The following ASXL3 variants were observed in gnomAD, a reference collection of about 807,000 sequenced individuals.
ASXL3 encodes the protein putative Polycomb group protein ASXL3.
In ASXL3, 34 loss-of-function variants were observed where a neutral mutation model predicts 170.6. That is an observed-to-expected ratio of 0.20 (90% confidence interval 0.15 to 0.27). The LOEUF (loss-of-function observed/expected upper bound fraction) is 0.27, where lower values mean the gene tolerates loss of function less well. ASXL3 is among the 10% of genes least tolerant of loss of function. The pLI, the probability that ASXL3 is intolerant of heterozygous loss-of-function variation, is 1.00. For synonymous variants in ASXL3, 1,002 were observed against 989.1 expected, an observed-to-expected ratio of 1.01 and a Z score of -0.24; for missense variants, 2,592 against 2,695.3, an observed-to-expected ratio of 0.96 and a Z score of 0.85.
intron 7 of ASXL3, among the ~76,000 whole-genome samples, chr18:33,678,382 C>T (rs1240677747): frequency 1.3e-5 from 2 of 152,176 alleles, no homozygotes; most frequent in Non-Finnish European, 2.9e-5. Context: ...TGTGTGTGCA[C>T]ACTTCATGCA....
rs1378631127 is a variant in ASXL3, at chr18:33,746,719, T to G, written c.*124T>G. 2 of 1,419,356 alleles carry G rather than the reference T, an allele frequency of 1.4e-6. No homozygotes were observed. Among genetic ancestry groups the G allele is most frequent in the East Asian group, 4.7e-5 (2 of 42,784 alleles). 87.9% of individuals were successfully genotyped at this position (1,419,356 alleles called of 1,614,324 possible). ...TTTATTTTGCTTTGGAGCAGGTACC[T>G]TTCCTCTATGGCATTATTTTCTTGC... is the stretch of plus-strand genomic sequence containing the variant. On this transcript the variant is annotated 3_prime_UTR_variant, in exon 12 of 12. Transcript: ENST00000269197.
At chr18:33,633,769 C>T (rs928495397) in intron 2 of ASXL3, among the ~76,000 whole-genome samples, 8 of 149,104 alleles carry the variant, frequency 5.4e-5, no homozygotes, top group African/African-American at 1.7e-4. Context: ...CACTTGAACC[C>T]GGGAGGCAGA....
intron 4 of ASXL3, 62 bp downstream of exon 4, chr18:33,646,415 A>G (rs541300301): frequency 5.7e-5 from 67 of 1,182,956 alleles, no homozygotes; most frequent in African/African-American, 7.7e-5. Flanking sequence ...TAGAATGCCA[A>G]TGATTCATTA....
At chr18:33,593,813 T>G (rs901046697) in intron 1 of ASXL3, among the ~76,000 whole-genome samples, 2 of 152,228 alleles carry the variant, frequency 1.3e-5, no homozygotes, top group African/African-American at 4.8e-5. Flanking sequence ...TTTAAAATTT[T>G]CAGCCTATAT....
intron 8 of ASXL3, among the ~76,000 whole-genome samples, chr18:33,705,269 T>G (rs2066937863): frequency 6.6e-6 from 1 of 151,614 alleles, no homozygotes; most frequent in Non-Finnish European, 1.5e-5. Flanking sequence ...CTACTACATA[T>G]TTATTTCACT....
At position 33,702,904 on chromosome 18, in the gene ASXL3, A is replaced by G. The variant is rs1043195218; in HGVS notation, c.879+19336A>G. ...GCTCAAGATTTTATAATCTGCTTTG[A>G]TATCACACCCAGACCTTAGGTCCAT... On this transcript the variant is annotated intron_variant, in intron 8 of 11. Transcript: ENST00000269197. Among the ~76,000 whole-genome samples, 3 of 152,216 alleles carry G rather than the reference A, an allele frequency of 2.0e-5. No individual in the cohort carries two copies. In the East Asian group the frequency reaches 5.8e-4, roughly 29 times the overall value.
intron 8 of ASXL3, among the ~76,000 whole-genome samples, chr18:33,696,653 G>T (rs1445194633): frequency 1.3e-5 from 2 of 151,984 alleles, no homozygotes; most frequent in South Asian, 2.1e-4. Flanking sequence ...TGGAGGCAAG[G>T]GTGGAGCAGT....
chr18:33,612,796 G>T (rs993725121), intron 2 of ASXL3, among the ~76,000 whole-genome samples: 1 of 152,032 alleles, frequency 6.6e-6, no homozygotes, highest in African/African-American at 2.4e-5. Context: ...GTTTTGCCTA[G>T]AGATAAGAAA....
intron 1 of ASXL3, among the ~76,000 whole-genome samples, chr18:33,591,313 G>A (rs1407947995): frequency 6.6e-6 from 1 of 152,118 alleles, no homozygotes; most frequent in East Asian, 1.9e-4. Context: ...TTGGAAAGTG[G>A]ATGGTTCTGA....
Position 33,744,983 on chromosome 18 carries a change from C to A in ASXL3, c.5135C>A (p.Thr1712Asn). 1 of 1,614,022 alleles carries A rather than the reference C, an allele frequency of 6.2e-7. No homozygotes were observed. The highest frequency in any genetic ancestry group is 8.5e-7 in the Non-Finnish European group (1 of 1,179,912). ...VQQTQNMKAS[T>N]SSPMEEAISL... The stretch of plus-strand genomic sequence containing the variant: ...CAAACACAGAACATGAAAGCTTCCA[C>A]CTCAAGTCCCATGGAAGAGGCTATT... The change falls in exon 12 of 12, where the codon ACC becomes AAC. Residue 1712 changes from threonine (T) to asparagine (N), a missense_variant. Physicochemically the swap from Thr to Asn is moderately conservative, Grantham distance 65 (BLOSUM62 0). This residue lies in a region of ASXL3 where 2,246 missense variants were observed against 2,219.6 expected (regional missense o/e 1.01). Transcript: ENST00000269197.
intron 1 of ASXL3, among the ~76,000 whole-genome samples, chr18:33,604,947 G>A (rs887968552): frequency 1.3e-5 from 2 of 151,948 alleles, no homozygotes; most frequent in South Asian, 2.1e-4. Flanking sequence ...ATATAAATTC[G>A]AGATGAATTA....
At chr18:33,736,305 G>A (rs538042396) in intron 10 of ASXL3, among the ~76,000 whole-genome samples, 8 of 152,058 alleles carry the variant, frequency 5.3e-5, no homozygotes, top group South Asian at 2.1e-4. Context: ...CCTCATTGCC[G>A]TCACCAAGCT....
chr18:33,712,828 A>C (rs974472449), intron 8 of ASXL3, among the ~76,000 whole-genome samples: 1 of 152,150 alleles, frequency 6.6e-6, no homozygotes, highest in African/African-American at 2.4e-5. Flanking sequence ...TAGACATGAT[A>C]GTGGTTTTTC....
At chr18:33,658,043 C>T (rs2066111305) in intron 4 of ASXL3, among the ~76,000 whole-genome samples, 1 of 152,056 alleles carries the variant, frequency 6.6e-6, no homozygotes, top group South Asian at 2.1e-4. Flanking sequence ...AGCTCCTGTT[C>T]TGTTCTGAAT....
At chr18:33,702,000 A>G (rs2066881866) in intron 8 of ASXL3, among the ~76,000 whole-genome samples, 1 of 151,912 alleles carries the variant, frequency 6.6e-6, no homozygotes, top group East Asian at 1.9e-4. Flanking sequence ...CTCTTAATGA[A>G]ATTTTCATTT....
intron 3 of ASXL3, 107 bp downstream of exon 3, chr18:33,645,109 C>A: frequency 1.8e-6 from 1 of 568,346 alleles, no homozygotes; most frequent in Non-Finnish European, 2.9e-6. Flanking sequence ...GACTCCTATG[C>A]CTTTAAATGT....
chr18:33,581,684 T>G (rs941770889), intron 1 of ASXL3, among the ~76,000 whole-genome samples: 6 of 152,214 alleles, frequency 3.9e-5, no homozygotes, highest in Non-Finnish European at 8.8e-5. Flanking sequence ...TTTTCTTTCT[T>G]TGTGAGAAAA....
At chr18:33,650,607 A>C (rs2065981945) in intron 4 of ASXL3, among the ~76,000 whole-genome samples, 1 of 152,108 alleles carries the variant, frequency 6.6e-6, no homozygotes, top group Non-Finnish European at 1.5e-5. Flanking sequence ...GCATGAGAGC[A>C]CTCAGCCAAT....
chr18:33,601,139 C>T (rs986815952), intron 1 of ASXL3, among the ~76,000 whole-genome samples: 2 of 151,974 alleles, frequency 1.3e-5, no homozygotes, highest in Non-Finnish European at 2.9e-5. Context: ...TGTGGCTAGT[C>T]TGATTTGTAG....
Sources: gnomAD v4.1 joint callset for allele counts (sites outside exome capture counted in the v4.1 genomes callset) on GRCh38, gnomAD v4.1.1 for gene constraint, gnomAD v4.1.1 regional missense constraint, MANE v1.5 for transcripts, NCBI Gene and HGNC (gene_info 2026-07-23, HGNC 2026-07-21) for gene names.